Variants in TIMM44 observed in about 807,000 individuals in gnomAD.
The protein encoded by TIMM44 is mitochondrial import inner membrane translocase subunit TIM44.
TIMM44 carries 37 observed loss-of-function variants against 63.8 expected under a neutral mutation model. The observed-to-expected ratio is 0.58, with a 90% CI of 0.45 to 0.76. The LOEUF is 0.76. TIMM44 is among the 30% of genes least tolerant of loss of function. The pLI is 0.00. For missense variants in TIMM44, 573 were observed against 603.8 expected (o/e 0.95, Z 0.54); for synonymous variants, 239 against 245.1 (o/e 0.98, Z 0.23).
In TIMM44 at chr19:7,934,369, C is replaced by T; in HGVS notation, c.394-131G>A. 8.0e-7 allele frequency: 1 copy of T among 1,250,046 alleles called. No homozygotes were observed. The highest frequency in any genetic ancestry group is 1.5e-5 in the African/African-American group (1 of 67,832). 77.4% of individuals were successfully genotyped at this position (1,250,046 alleles called of 1,614,324 possible). A position where few individuals can be genotyped will look rare whatever the true frequency, so the allele number is the denominator to read the frequency against. ...CCGAGGCCGGCAGAGGCCTTCTGTG[C>T]TCCTGTGGTACGCGGCACCCCCAGA... On this transcript the variant is annotated intron_variant, in intron 4 of 12. Coordinates refer to ENST00000270538, the MANE Select transcript of TIMM44 (RefSeq NM_006351.4). This position sits in a 1 kb window ranked among gnomAD's most constrained non-coding sequence, Gnocchi z 5.3.
chr19:7,929,481 G>A (rs893258451), intron 10 of TIMM44, among the ~76,000 whole-genome samples: 2 of 152,200 alleles, frequency 1.3e-5, no homozygotes, highest in South Asian at 2.1e-4. Flanking sequence ...TGGCGGCCCC[G>A]GGTCACCGAT....
At chr19:7,941,293 C>T in intron 1 of TIMM44, 96 bp from the exon 2 acceptor site, 1 of 895,168 alleles carries the variant, frequency 1.1e-6, no homozygotes, top group East Asian at 2.5e-5. Context: ...ACCTGCAACT[C>T]ACTGGCCATT....
Position 7,943,661 on chromosome 19 carries a change from T to C in TIMM44, c.-10A>G, listed in dbSNP as rs1389111504. ...GGGCCGCCGCCGCCATGTTGGAGAA[T>C]CGTGTGACCTTCTCGCGGCGCGGCC... On this transcript the variant is annotated 5_prime_UTR_variant, in exon 1 of 13. Coordinates refer to ENST00000270538, the MANE Select transcript of TIMM44 (RefSeq NM_006351.4). The surrounding 1 kb of genome is among the most constrained non-coding windows in gnomAD (Gnocchi z 4.3). 1.9e-6 allele frequency: 3 copies of C among 1,559,484 alleles called. No individual in the cohort carries two copies. The highest frequency in any genetic ancestry group is 2.4e-5 in the East Asian group (1 of 42,170).
intron 1 of TIMM44, among the ~76,000 whole-genome samples, chr19:7,942,031 A>T (rs749082850): frequency 6.6e-6 from 1 of 152,198 alleles, no homozygotes; most frequent in Non-Finnish European, 1.5e-5. Flanking sequence ...CGCTCTGGGC[A>T]AAGACTGGGC....
At chr19:7,940,568 G>A (rs1984282706) in intron 2 of TIMM44, among the ~76,000 whole-genome samples, 1 of 152,142 alleles carries the variant, frequency 6.6e-6, no homozygotes, top group Admixed American at 6.6e-5. Flanking sequence ...GGCGCAGAGA[G>A]AGAGGGAGAC....
At chr19:7,931,048 C>A in intron 10 of TIMM44, 90 bp downstream of exon 10, 2 of 1,251,028 alleles carry the variant, frequency 1.6e-6, no homozygotes, top group Non-Finnish European at 2.3e-6. Flanking sequence ...CTGTTGGGAG[C>A]TACCCCAACG....
chr19:7,940,919 G>A (rs1408161493), intron 2 of TIMM44, among the ~76,000 whole-genome samples, 183 bp downstream of exon 2: 1 of 151,966 alleles, frequency 6.6e-6, no homozygotes, highest in Non-Finnish European at 1.5e-5. Flanking sequence ...CAGGTCAAGT[G>A]TTTCTGGGAC....
At chr19:7,927,494 T>G (rs1983847151) in intron 12 of TIMM44, 163 bp downstream of exon 12, 1 of 1,017,820 alleles carries the variant, frequency 9.8e-7, no homozygotes, top group African/African-American at 1.6e-5. Flanking sequence ...TCTGCTGGTC[T>G]CCGACCTCCC....
chr19:7,938,164 A>G lies in TIMM44; in HGVS notation c.175T>C (p.Phe59Leu). 6.2e-7 allele frequency: 1 copy of G among 1,613,752 alleles called. No homozygotes were observed. Among genetic ancestry groups the G allele is most frequent in the Non-Finnish European group, 8.5e-7 (1 of 1,179,958 alleles). Residue 59 changes from phenylalanine (F) to leucine (L), a missense_variant, in exon 3 of 13, where the codon TTT (phenylalanine) becomes CTT (leucine). Physicochemically the swap from Phe to Leu is conservative, Grantham distance 22. Transcript: ENST00000270538. ...ACATTATCTAGCAAGCCGGACAGAA[A>G]GCCTTTTCTGTTTCCAGAAGAATAT... ...KSYSSGNRKG[F>L]LSGLLDNVKQ... is the part of the protein sequence containing the mutation.
chr19:7,927,425 A>G, intron 12 of TIMM44, 119 bp from the exon 13 acceptor site: 1 of 1,298,380 alleles, frequency 7.7e-7, no homozygotes, highest in Non-Finnish European at 1.1e-6. Flanking sequence ...GGCTGGGAGC[A>G]GAGGCCAGCA....
At position 7,933,324 on chromosome 19, in the gene TIMM44, C is replaced by T. The variant is rs1028172911; in HGVS notation, c.769+161G>A. Among the ~76,000 whole-genome samples the T allele has an allele frequency of 6.6e-6, 1 of 152,166 alleles. No homozygotes were observed. Among genetic ancestry groups the T allele is most frequent in the Non-Finnish European group, 1.5e-5 (1 of 68,018 alleles). ...TGGCTTCTGGCGGCAGAATCTACAG[C>T]CCCACCATCATGTGACCGCAAAGAA... On this transcript the variant is annotated intron_variant, in intron 7 of 12. Transcript: ENST00000270538. The surrounding 1 kb of genome is among the most constrained non-coding windows in gnomAD (Gnocchi z 4.3).
intron 3 of TIMM44, among the ~76,000 whole-genome samples, chr19:7,937,520 GA>G (rs1984190265): frequency 6.6e-6 from 1 of 152,198 alleles, no homozygotes; most frequent in African/African-American, 2.4e-5. Flanking sequence ...AAGCTGCACA[GA>G]ACGCTGCATG....
At position 7,934,752 on chromosome 19, in the gene TIMM44, C is replaced by A. The variant is rs1285153701; in HGVS notation, c.393+313G>T. 1.3e-5 allele frequency among the ~76,000 whole-genome samples: 2 copies of A among 152,196 alleles called. No individual in the cohort carries two copies. Among genetic ancestry groups the A allele is most frequent in the African/African-American group, 2.4e-5 (1 of 41,458 alleles). ...AGGAATCCTGCCTCCCGCCTCTACCCTCGGGAGGGGGTGGAAGCGGCCCCT... is the reference window on the plus strand; with the variant it reads ...AGGAATCCTGCCTCCCGCCTCTACCATCGGGAGGGGGTGGAAGCGGCCCCT... On this transcript the variant is annotated intron_variant, in intron 4 of 12. Coordinates refer to ENST00000270538, the MANE Select transcript of TIMM44 (RefSeq NM_006351.4). This position sits in a 1 kb window ranked among gnomAD's most constrained non-coding sequence, Gnocchi z 5.3.
Position 7,941,050 on chromosome 19 carries a change from A to G in TIMM44, c.141+52T>C, listed in dbSNP as rs1984293974. 3 of 1,481,192 alleles carry G rather than the reference A, an allele frequency of 2.0e-6. No individual in the cohort carries two copies. The Admixed American group carries it at 5.0e-5, about 25-fold the overall frequency. 91.8% of individuals were successfully genotyped at this position (1,481,192 alleles called of 1,614,324 possible). On this transcript the variant is annotated intron_variant, in intron 2 of 12. Transcript: ENST00000270538. ...CCCTCCCTCCTGCCAATGGGATCTGAATTTTCGGGCCTCCCCTGTGTCTGC... is the reference window on the plus strand; with the variant it reads ...CCCTCCCTCCTGCCAATGGGATCTGGATTTTCGGGCCTCCCCTGTGTCTGC...
At chr19:7,936,621 G>C (rs1984161589) in intron 3 of TIMM44, among the ~76,000 whole-genome samples, 1 of 152,220 alleles carries the variant, frequency 6.6e-6, no homozygotes, top group Non-Finnish European at 1.5e-5. Context: ...AAGGAATGCA[G>C]AGCCATTCCC....
rs375908343 is a variant in TIMM44, at chr19:7,937,105, A to AAAC, written c.312+919_312+921dup. ...CAATGGAGTAAGACTCTGCTTCAAAAAACAACAACAACAACAACAACAAAT... is the reference window on the plus strand; with the variant it reads ...CAATGGAGTAAGACTCTGCTTCAAAAAACAACAACAACAACAACAACAACAAAT... On this transcript the variant is annotated intron_variant, in intron 3 of 12. Transcript: ENST00000270538. Among the ~76,000 whole-genome samples, 256 of 151,516 alleles carry AAAC rather than the reference A, an allele frequency of 1.7e-3. 2 individuals carry two copies. The highest frequency in any genetic ancestry group is 5.5e-3 in the African/African-American group (227 of 41,238).
chr19:7,941,672 G>A (rs1233165410), intron 1 of TIMM44, among the ~76,000 whole-genome samples: 1 of 151,872 alleles, frequency 6.6e-6, no homozygotes, highest in African/African-American at 2.4e-5. Flanking sequence ...AGCAGAAGCT[G>A]GTGGAAAGAG....
intron 11 of TIMM44, 131 bp downstream of exon 11, chr19:7,927,946 C>T: frequency 8.8e-7 from 1 of 1,140,428 alleles, no homozygotes; most frequent in Non-Finnish European, 1.3e-6. Context: ...AGACCCTCCC[C>T]TTGGACAAGC....
At chr19:7,927,796 C>T (rs1983856943) in intron 11 of TIMM44, 29 bp from the exon 12 acceptor site, 1 of 1,599,484 alleles carries the variant, frequency 6.3e-7, no homozygotes. Context: ...GGGGGATGTG[C>T]CTCAGAGGAC....
Sources: gnomAD v4.1 joint callset for allele counts (sites outside exome capture counted in the v4.1 genomes callset) on GRCh38, gnomAD v4.1.1 for gene constraint, Gnocchi (gnomAD v3.1) non-coding constraint, MANE v1.5 for transcripts, NCBI Gene and HGNC (gene_info 2026-07-23, HGNC 2026-07-21) for gene names.